The following EYS variants were observed in gnomAD, a reference collection of about 807,000 sequenced individuals.
EYS encodes the protein EGF-like photoreceptor maintenance factor.
In EYS, 250 loss-of-function variants were observed where a neutral mutation model predicts 282.1. That is an observed-to-expected ratio of 0.89 (90% CI 0.80 to 0.98). The LOEUF is 0.98. Ranked by LOEUF, EYS falls within the 50% of genes least tolerant of loss-of-function variation. The pLI, the probability that EYS is intolerant of heterozygous loss-of-function variation, is 0.00. For synonymous variants in EYS, 1,355 were observed against 1,282.9 expected (o/e 1.06, Z -1.20); for missense variants, 4,016 against 3,709.0 (o/e 1.08, Z -2.15).
At chr6:65,073,276 A>G (rs540532346) in intron 12 of EYS, among the ~76,000 whole-genome samples, 1 of 151,950 alleles carries the variant, frequency 6.6e-6, no homozygotes, top group East Asian at 1.9e-4. Context: ...AAGAATATTT[A>G]AACTGTGAGA....
intron 31 of EYS, among the ~76,000 whole-genome samples, chr6:64,180,221 C>G (rs1303245820): frequency 6.6e-6 from 1 of 151,994 alleles, no homozygotes; most frequent in Non-Finnish European, 1.5e-5. Context: ...CTCCCTTTCC[C>G]CAAAAGACAA....
chr6:65,074,520 T>C (rs1773990174), intron 12 of EYS, among the ~76,000 whole-genome samples: 1 of 152,032 alleles, frequency 6.6e-6, no homozygotes, highest in Admixed American at 6.6e-5. Context: ...ACAAAAGCAA[T>C]ATTGTTAAAT....
intron 32 of EYS, among the ~76,000 whole-genome samples, chr6:64,067,901 GTAGA>G (rs2149856758): frequency 6.6e-6 from 1 of 152,176 alleles, no homozygotes; most frequent in East Asian, 1.9e-4. Context: ...TGTTTCTAGT[GTAGA>G]TAGACATTTT....
At chr6:65,026,251 T>C (rs1583411106) in intron 13 of EYS, among the ~76,000 whole-genome samples, 1 of 152,316 alleles carries the variant, frequency 6.6e-6, no homozygotes, top group East Asian at 1.9e-4. Flanking sequence ...CATAATTAAT[T>C]CAGGTGCTCT....
intron 32 of EYS, among the ~76,000 whole-genome samples, chr6:64,080,471 A>G (rs2149867594): frequency 1.3e-5 from 2 of 152,000 alleles, no homozygotes; most frequent in East Asian, 3.9e-4. Context: ...TTGTCAGATG[A>G]GTAGATTGCA....
At chr6:64,904,738 C>T (rs1019108311) in intron 16 of EYS, among the ~76,000 whole-genome samples, 2 of 152,124 alleles carry the variant, frequency 1.3e-5, no homozygotes, top group African/African-American at 2.4e-5. Context: ...AGTGAGCCTC[C>T]ATGATTTCAG....
intron 2 of EYS, among the ~76,000 whole-genome samples, chr6:65,587,339 C>G (rs1351297197): frequency 2.6e-5 from 4 of 152,016 alleles, no homozygotes; most frequent in Non-Finnish European, 4.4e-5. Flanking sequence ...TTGTAGTTCC[C>G]ATAATCCCCA....
chr6:64,672,113 A>G (rs1004010527), intron 22 of EYS, among the ~76,000 whole-genome samples: 3 of 152,170 alleles, frequency 2.0e-5, no homozygotes, highest in Non-Finnish European at 2.9e-5. Flanking sequence ...TGTGTCTTCC[A>G]GAGGCTTTTC....
chr6:65,413,874 G>A (rs980017440), intron 5 of EYS, among the ~76,000 whole-genome samples: 1 of 151,718 alleles, frequency 6.6e-6, no homozygotes, highest in Non-Finnish European at 1.5e-5. Context: ...AAGGAATAAT[G>A]TGAACACCAA....
chr6:64,287,558 A>G (rs1768544469), intron 30 of EYS, among the ~76,000 whole-genome samples: 1 of 152,138 alleles, frequency 6.6e-6, no homozygotes, highest in Non-Finnish European at 1.5e-5. Context: ...ATTGCCTTGA[A>G]AAGTTCTACC....
chr6:64,260,963 C>T (rs1922980), intron 30 of EYS, among the ~76,000 whole-genome samples: 104,512 of 151,626 alleles, frequency 0.69, 36,036 homozygotes, highest in Non-Finnish European at 0.71. Context: ...GTATACAATG[C>T]GTAATGATGA....
intron 36 of EYS, among the ~76,000 whole-genome samples, chr6:63,829,212 G>A (rs1245974732): frequency 9.9e-5 from 15 of 152,254 alleles, no homozygotes; most frequent in East Asian, 1.9e-4. Context: ...TACCGGGTTC[G>A]TCTCACTGGG....
chr6:63,964,396 C>A (rs1766209909), intron 35 of EYS, among the ~76,000 whole-genome samples: 1 of 152,174 alleles, frequency 6.6e-6, no homozygotes, highest in African/African-American at 2.4e-5. Flanking sequence ...TCTTCCAATT[C>A]CACAATAAAA....
At chr6:64,043,644 G>A (rs1770490948) in intron 33 of EYS, among the ~76,000 whole-genome samples, 1 of 152,156 alleles carries the variant, frequency 6.6e-6, no homozygotes, top group Admixed American at 6.5e-5. Context: ...CTCAAGGGTT[G>A]GGTAGGTCCT....
chr6:65,405,377 ATCACACACAAG>A lies in EYS; in HGVS notation c.863-21_863-11del. ...ACCTCACAGAATGGACCTTAAAAAA[ATCACACACAAG>A]AAAAAAAAAGAAAAGGAAGGAAGGA... On this transcript the variant is annotated splice_polypyrimidine_tract_variant and intron_variant, in intron 5 of 42. Coordinates refer to ENST00000503581, the MANE Select transcript of EYS (RefSeq NM_001142800.2). 6.3e-7 allele frequency: 1 copy of A among 1,580,620 alleles called. No individual in the cohort carries two copies.
At chr6:64,759,949 T>C (rs1311896747) in intron 22 of EYS, among the ~76,000 whole-genome samples, 1 of 152,218 alleles carries the variant, frequency 6.6e-6, no homozygotes, top group African/African-American at 2.4e-5. Flanking sequence ...CTTTGTACAA[T>C]ATTTGAGGCA....
chr6:65,061,485 C>G (rs183389872), intron 12 of EYS, among the ~76,000 whole-genome samples: 68 of 151,922 alleles, frequency 4.5e-4, no homozygotes, highest in African/African-American at 1.1e-3. Context: ...CTCCCATTAT[C>G]GACATCCCCC....
chr6:64,924,025 G>A (rs1470034093), intron 15 of EYS, among the ~76,000 whole-genome samples: 3 of 152,194 alleles, frequency 2.0e-5, no homozygotes, highest in African/African-American at 7.2e-5. Context: ...TAGGGACTCT[G>A]TGTGGGGACT....
At chr6:63,923,247 G>A (rs1018804501) in intron 35 of EYS, among the ~76,000 whole-genome samples, 1 of 151,938 alleles carries the variant, frequency 6.6e-6, no homozygotes, top group African/African-American at 2.4e-5. Context: ...AAAATTACAA[G>A]ACAAAAGGGA....
Sources: allele counts gnomAD v4.1 joint callset (sites outside exome capture counted in the v4.1 genomes callset), GRCh38; gene constraint gnomAD v4.1.1; transcripts MANE v1.5; gene names NCBI Gene and HGNC (gene_info 2026-07-23, HGNC 2026-07-21).